The following DNMT3A variants were observed in gnomAD, a reference collection of about 807,000 sequenced individuals.
DNMT3A encodes DNA (cytosine-5)-methyltransferase 3A.
DNMT3A carries 267 observed loss-of-function variants against 117.6 expected under a neutral mutation model. The observed-to-expected ratio is 2.27, with a 90% CI of 2.05 to 2.51. The LOEUF is 2.51. Ranked by LOEUF, DNMT3A falls within the 30% of genes most tolerant of loss-of-function variation. The pLI, the probability that DNMT3A is intolerant of heterozygous loss-of-function variation, is 0.00. For synonymous variants in DNMT3A, 432 were observed against 474.8 expected (o/e 0.91, Z 1.17); for missense variants, 1,029 against 1,260.2 (o/e 0.82, Z 2.78).
At chr2:25,330,062 CAAG>C (rs1346743603) in intron 1 of DNMT3A, among the ~76,000 whole-genome samples, 1 of 152,194 alleles carries the variant, frequency 6.6e-6, no homozygotes, top group Non-Finnish European at 1.5e-5. Flanking sequence ...ACTAACAGAG[CAAG>C]AAGAGAAAAA....
At chr2:25,249,479 G>A (rs1301688383) in intron 6 of DNMT3A, 1 of 697,438 alleles carries the variant, frequency 1.4e-6, no homozygotes, top group East Asian at 2.7e-5. Context: ...CACCCAGTGT[G>A]TATTGTTACC....
intron 1 of DNMT3A, among the ~76,000 whole-genome samples, chr2:25,326,412 A>G (rs1481736806): frequency 6.6e-6 from 1 of 152,062 alleles, no homozygotes; most frequent in Non-Finnish European, 1.5e-5. Flanking sequence ...TTTGTATGGG[A>G]GTTCAGATGT....
chr2:25,252,162 C>A lies in DNMT3A; in HGVS notation c.640-3910G>T, dbSNP rs764191078. 1.9e-6 allele frequency: 3 copies of A among 1,555,814 alleles called. No individual in the cohort carries two copies. Among genetic ancestry groups the A allele is most frequent in the Non-Finnish European group, 1.7e-6 (2 of 1,151,642 alleles). ...ACCGGCCCTGCCGCCTCCCCGCCCCCGGTCTCCCCGGGGCTCCGTCCAGGA... is the reference window on the plus strand; with the variant it reads ...ACCGGCCCTGCCGCCTCCCCGCCCCAGGTCTCCCCGGGGCTCCGTCCAGGA... On this transcript the variant is annotated intron_variant, in intron 6 of 22. Coordinates refer to ENST00000321117, the MANE Select transcript of DNMT3A (RefSeq NM_022552.5). The surrounding 1 kb of genome is among the most constrained non-coding windows in gnomAD (Gnocchi z 5.5).
rs375035831 is a variant in DNMT3A, at chr2:25,282,744, G to A, written c.178-33C>T. The A allele has an allele frequency of 4.4e-4, 657 of 1,506,082 alleles. No homozygotes were observed. Among genetic ancestry groups the A allele is most frequent in the Non-Finnish European group, 4.9e-4 (547 of 1,127,384 alleles). 93.3% of individuals were successfully genotyped at this position (1,506,082 alleles called of 1,614,324 possible). The stretch of plus-strand genomic sequence containing the variant: ...TGTAAGAAAGATACACAAGAGGAGG[G>A]TTAGATCAGTGGGCTTAGCCTGTTT... On this transcript the variant is annotated intron_variant, in intron 3 of 22. Transcript: ENST00000321117. This position sits in a 1 kb window ranked among gnomAD's most constrained non-coding sequence, Gnocchi z 5.2.
intron 6 of DNMT3A, chr2:25,249,498 C>A: frequency 1.2e-6 from 1 of 804,296 alleles, no homozygotes. Context: ...CCAGATTCGA[C>A]CCCTTCTATG....
At chr2:25,246,902 AGCGGG>A in intron 9 of DNMT3A, 126 bp from the exon 10 acceptor site, 3 of 1,507,930 alleles carry the variant, frequency 2.0e-6, no homozygotes, top group Non-Finnish European at 2.7e-6. Flanking sequence ...GCTGAGGAGG[AGCGGG>A]ATGTGCATAC....
At chr2:25,335,474 C>A (rs1386150905) in intron 1 of DNMT3A, among the ~76,000 whole-genome samples, 1 of 152,208 alleles carries the variant, frequency 6.6e-6, no homozygotes, top group Non-Finnish European at 1.5e-5. Flanking sequence ...CCAAGTATTC[C>A]CCAGGACACA....
chr2:25,245,859 C>T (rs970030851), intron 12 of DNMT3A, among the ~76,000 whole-genome samples, 161 bp downstream of exon 12: 14 of 152,360 alleles, frequency 9.2e-5, no homozygotes, highest in Middle Eastern at 3.4e-3. Context: ...AGAGCAGAAT[C>T]ATGGCACCAG....
rs778385451 is a variant in DNMT3A at position 25,244,143 on chromosome 2, C to A, written c.1851+12G>T. The A allele has an allele frequency of 8.7e-6, 14 of 1,613,848 alleles. No homozygotes were observed. The highest frequency in any genetic ancestry group is 5.5e-5 in the South Asian group (5 of 91,066). On this transcript the variant is annotated intron_variant, in intron 15 of 22. Coordinates refer to ENST00000321117, the MANE Select transcript of DNMT3A (RefSeq NM_022552.5). The stretch of plus-strand genomic sequence containing the variant: ...AGGGAGCTCGAGACCGCGCCCCAGG[C>A]CCAGCACTCACAAATTCCTGGTCGT...
At chr2:25,258,947 G>A (rs1051456317) in intron 6 of DNMT3A, among the ~76,000 whole-genome samples, 2 of 152,200 alleles carry the variant, frequency 1.3e-5, no homozygotes, top group African/African-American at 4.8e-5. Flanking sequence ...GGAAGATGCA[G>A]GATGGGGGAG....
rs146150051 is a variant in DNMT3A, at chr2:25,293,069, C to T, written c.177+7070G>A. On this transcript the variant is annotated intron_variant, in intron 3 of 22. Coordinates refer to ENST00000321117, the MANE Select transcript of DNMT3A (RefSeq NM_022552.5). This position sits in a 1 kb window ranked among gnomAD's most constrained non-coding sequence, Gnocchi z 4.7. ...TTAAATGCTCCCCAAGTAAGACCAG[C>T]TATGTAAGGTGGCCTTGACAGGGGC... Among the ~76,000 whole-genome samples, 951 of 152,244 alleles carry T rather than the reference C, an allele frequency of 6.2e-3. 2 individuals carry two copies. Among genetic ancestry groups the T allele is most frequent in the Middle Eastern group, 0.014 (4 of 294 alleles).
chr2:25,300,629 C>A lies in DNMT3A; in HGVS notation c.73-386G>T, dbSNP rs1486020065. On this transcript the variant is annotated intron_variant, in intron 2 of 22. Coordinates refer to ENST00000321117, the MANE Select transcript of DNMT3A (RefSeq NM_022552.5). ...TCTAAATAATATATTATTTAGATAT[C>A]TAAATAATATATTATTTAGATATCT... Among the ~76,000 whole-genome samples the A allele has an allele frequency of 4.1e-4, 34 of 82,078 alleles. 1 individual carries two copies. The South Asian group carries it at 0.011, about 28-fold the overall frequency. The allele number at this position is 82,078 out of a possible 152,430, so 53.8% of individuals were successfully genotyped here. A position where few individuals can be genotyped will look rare whatever the true frequency, so the allele number is the denominator to read the frequency against.
intron 6 of DNMT3A, chr2:25,251,957 C>T (rs1364791235): frequency 2.0e-6 from 1 of 503,118 alleles, no homozygotes. Flanking sequence ...CCCCCGAGGG[C>T]GCCAGGTGCC....
rs114394404 is a variant in DNMT3A, at chr2:25,287,573, C to T, written c.178-4862G>A. Reference sequence around the variant, plus strand: ...GCAGCTTTTTGAGGCAGGTTAAGGCCGTAGTTCTCAACTGGGGCGATTTTG... The same window carrying T: ...GCAGCTTTTTGAGGCAGGTTAAGGCTGTAGTTCTCAACTGGGGCGATTTTG... On this transcript the variant is annotated intron_variant, in intron 3 of 22. Coordinates refer to ENST00000321117, the MANE Select transcript of DNMT3A (RefSeq NM_022552.5). Among the ~76,000 whole-genome samples, 1,108 of 152,188 alleles carry T rather than the reference C, an allele frequency of 7.3e-3. 2 individuals carry two copies. The highest frequency in any genetic ancestry group is 0.011 in the Non-Finnish European group (774 of 68,020).
chr2:25,340,633 G>T (rs889417447), intron 1 of DNMT3A, among the ~76,000 whole-genome samples: 6 of 152,124 alleles, frequency 3.9e-5, no homozygotes, highest in Non-Finnish European at 8.8e-5. Context: ...ACGTGGGGCC[G>T]AAGACCCCGC....
intron 14 of DNMT3A, 56 bp from the exon 15 acceptor site, chr2:25,244,394 A>C: frequency 6.4e-7 from 1 of 1,564,354 alleles, no homozygotes; most frequent in Non-Finnish European, 8.7e-7. Flanking sequence ...GGGGAGGCCA[A>C]GGTGTGCTAC....
intron 1 of DNMT3A, among the ~76,000 whole-genome samples, chr2:25,334,175 G>T (rs190124051): frequency 3.9e-5 from 6 of 152,314 alleles, no homozygotes; most frequent in African/African-American, 1.4e-4. Flanking sequence ...TGGGTGGGGT[G>T]CGGGAGGGTA....
intron 6 of DNMT3A, among the ~76,000 whole-genome samples, chr2:25,250,794 C>T (rs1490699419): frequency 6.6e-6 from 1 of 152,180 alleles, no homozygotes; most frequent in Non-Finnish European, 1.5e-5. Context: ...GGCCCCTGAG[C>T]CAGTACGAGG....
Position 25,236,265 on chromosome 2 carries a change from G to A in DNMT3A, c.2479-440C>T, listed in dbSNP as rs552299433. On this transcript the variant is annotated intron_variant, in intron 21 of 22. Transcript: ENST00000321117. The surrounding 1 kb of genome is among the most constrained non-coding windows in gnomAD (Gnocchi z 4.5). ...ATTTTTAGTCAGACAGGGTTTCACCGTGTCGGCCAGGCTGGTCTCAAACTC... is the reference window on the plus strand; with the variant it reads ...ATTTTTAGTCAGACAGGGTTTCACCATGTCGGCCAGGCTGGTCTCAAACTC... Among the ~76,000 whole-genome samples the A allele has an allele frequency of 8.5e-5, 13 of 152,122 alleles. No individual in the cohort carries two copies. Among genetic ancestry groups the A allele is most frequent in the Non-Finnish European group, 1.6e-4 (11 of 67,996 alleles).
Sources: allele counts gnomAD v4.1 joint callset (sites outside exome capture counted in the v4.1 genomes callset), GRCh38; gene constraint gnomAD v4.1.1; non-coding constraint Gnocchi (gnomAD v3.1); transcripts MANE v1.5; gene names NCBI Gene and HGNC (gene_info 2026-07-23, HGNC 2026-07-21).